The following RERG variants were observed in gnomAD, a reference collection of about 807,000 sequenced individuals.
RERG encodes ras-related and estrogen-regulated growth inhibitor.
Under a neutral mutation model 23.2 loss-of-function variants are expected in RERG, and 25 were observed. That is an observed-to-expected ratio of 1.08 (90% CI 0.79 to 1.50). The LOEUF (loss-of-function observed/expected upper bound fraction) is 1.50. RERG is among the 40% of genes most tolerant of loss of function. The pLI is 0.00. For missense variants in RERG, 253 were observed against 250.1 expected (o/e 1.01, Z -0.08); for synonymous variants, 81 against 89.1 (o/e 0.91, Z 0.51).
In RERG at chr12:15,209,630, A is replaced by T. The variant is rs1051949857; in HGVS notation, c.61+7799T>A. On this transcript the variant is annotated intron_variant, in intron 2 of 4. Transcript: ENST00000256953. ...TATTTTGGTTGATAACACACCTGGT[A>T]CTCCCAGAGGGCTTTGCCATGCATT... 3.3e-5 allele frequency among the ~76,000 whole-genome samples: 5 copies of T among 152,220 alleles called. No homozygotes were observed. In the South Asian group the frequency reaches 8.3e-4, roughly 25 times the overall value.
At chr12:15,128,696 T>A (rs1463474189) in intron 2 of RERG, among the ~76,000 whole-genome samples, 4 of 152,186 alleles carry the variant, frequency 2.6e-5, no homozygotes, top group Non-Finnish European at 5.9e-5. Context: ...CTGGAAAAAC[T>A]CTAGCAGATA....
At position 15,109,187 on chromosome 12, in the gene RERG, C is replaced by A; in HGVS notation, c.523G>T (p.Gly175Cys). 2 of 1,613,732 alleles carry A rather than the reference C, an allele frequency of 1.2e-6. No homozygotes were observed. The highest frequency in any genetic ancestry group is 1.1e-5 in the South Asian group (1 of 91,032). The change falls in exon 5 of 5, where the codon GGC becomes TGC. Residue 175 changes from glycine to cysteine, a missense_variant. Gly to Cys is a radical substitution (Grantham distance 159). Transcript: ENST00000256953. Reference sequence around the variant, plus strand: ...GTGGAGCTGCGTCGCCTCGTCTTGCCCTGCACCATCCTCCGGCGACGCACC... The same window carrying A: ...GTGGAGCTGCGTCGCCTCGTCTTGCACTGCACCATCCTCCGGCGACGCACC... ...REVRRRRMVQGKTRRRSSTTH... is the reference protein window; with the variant it reads ...REVRRRRMVQCKTRRRSSTTH...
chr12:15,173,914 T>C (rs2136123617), intron 2 of RERG, among the ~76,000 whole-genome samples: 1 of 152,154 alleles, frequency 6.6e-6, no homozygotes, highest in East Asian at 1.9e-4. Context: ...AATAGTTGTT[T>C]TACTTTTTCC....
chr12:15,133,639 G>A (rs139043277), intron 2 of RERG, among the ~76,000 whole-genome samples: 1 of 151,438 alleles, frequency 6.6e-6, no homozygotes, highest in Non-Finnish European at 1.5e-5. Context: ...TACAGCAAGA[G>A]TACCTTTAGC....
At chr12:15,167,211 G>A (rs1864707871) in intron 2 of RERG, among the ~76,000 whole-genome samples, 1 of 152,156 alleles carries the variant, frequency 6.6e-6, no homozygotes, top group African/African-American at 2.4e-5. Context: ...CACTAGACTT[G>A]GCCTGGGTTG....
intron 2 of RERG, chr12:15,151,885 A>G (rs1253105542): frequency 6.6e-6 from 1 of 152,222 alleles, no homozygotes. Flanking sequence ...TATGACTTCT[A>G]AAACTGCTGC....
intron 2 of RERG, among the ~76,000 whole-genome samples, chr12:15,194,509 T>A (rs199900855): frequency 2.7e-5 from 4 of 146,930 alleles, no homozygotes; most frequent in Non-Finnish European, 4.5e-5. Flanking sequence ...CCGATCTCCC[T>A]AAAAAAAAAA....
chr12:15,188,883 C>T lies in RERG; in HGVS notation c.61+28546G>A, dbSNP rs774640655. 1.4e-4 allele frequency among the ~76,000 whole-genome samples: 22 copies of T among 152,142 alleles called. No homozygotes were observed. The East Asian group carries it at 1.5e-3, about 11-fold the overall frequency. On this transcript the variant is annotated intron_variant, in intron 2 of 4. Coordinates refer to ENST00000256953, the MANE Select transcript of RERG (RefSeq NM_032918.3). Reference sequence around the variant, plus strand: ...GCAGTAGTTATGGGAATGCCTCAGACGCCCACGCACTCTCAGAGTATGATG... The same window carrying T: ...GCAGTAGTTATGGGAATGCCTCAGATGCCCACGCACTCTCAGAGTATGATG...
intron 2 of RERG, among the ~76,000 whole-genome samples, chr12:15,127,107 T>C (rs1284242572): frequency 6.6e-6 from 1 of 152,356 alleles, no homozygotes; most frequent in Non-Finnish European, 1.5e-5. Flanking sequence ...ATCACTCATC[T>C]GTGACATGAA....
intron 2 of RERG, among the ~76,000 whole-genome samples, chr12:15,126,145 A>G (rs1441427166): frequency 2.1e-5 from 3 of 141,372 alleles, no homozygotes; most frequent in African/African-American, 7.7e-5. Flanking sequence ...ATATATATAT[A>G]TATATATGTA....
chr12:15,143,667 C>T (rs1018430446), intron 2 of RERG, among the ~76,000 whole-genome samples: 5 of 152,156 alleles, frequency 3.3e-5, no homozygotes, highest in African/African-American at 4.8e-5. Context: ...TCTCTTCCCT[C>T]AAGCTTCATG....
At chr12:15,206,018 A>G (rs1865278286) in intron 2 of RERG, among the ~76,000 whole-genome samples, 1 of 152,058 alleles carries the variant, frequency 6.6e-6, no homozygotes, top group South Asian at 2.1e-4. Flanking sequence ...CAACTCCTAT[A>G]CAGCTACTGA....
chr12:15,113,134 G>T (rs1863654111), intron 3 of RERG, among the ~76,000 whole-genome samples: 1 of 152,138 alleles, frequency 6.6e-6, no homozygotes, highest in Non-Finnish European at 1.5e-5. Context: ...GTATATCAGG[G>T]TGAAGATGGG....
At chr12:15,182,980 T>TA (rs202062256) in intron 2 of RERG, among the ~76,000 whole-genome samples, 1,558 of 152,074 alleles carry the variant, frequency 0.01, 27 homozygotes, top group African/African-American at 0.036. Context: ...CCTGAAAGGC[T>TA]AAAAGTGAGA....
intron 2 of RERG, among the ~76,000 whole-genome samples, chr12:15,157,636 CCAACTT>C (rs1346577998): frequency 6.6e-6 from 1 of 152,164 alleles, no homozygotes; most frequent in Admixed American, 6.6e-5. Flanking sequence ...AAAGAGAACT[CCAACTT>C]CAAAGCACGC....
At chr12:15,123,091 C>T (rs918976122) in intron 2 of RERG, among the ~76,000 whole-genome samples, 1 of 152,092 alleles carries the variant, frequency 6.6e-6, no homozygotes, top group Non-Finnish European at 1.5e-5. Flanking sequence ...GCCACCGCGC[C>T]CGGCCAGACT....
intron 2 of RERG, among the ~76,000 whole-genome samples, chr12:15,145,742 A>C (rs138529922): frequency 6.6e-6 from 1 of 152,378 alleles, no homozygotes; most frequent in African/African-American, 2.4e-5. Context: ...GGAGTAAAGA[A>C]GCAACAGCAG....
rs933982714 is a variant in RERG at position 15,221,331 on chromosome 12, G to T, written c.-251C>A. ...TGCGAGTTGCTGGGCTGCGGTCGTG[G>T]GTGGGACTCGCCGCAGAAGCAAGTG... On this transcript the variant is annotated 5_prime_UTR_variant, in exon 1 of 5. Coordinates refer to ENST00000256953, the MANE Select transcript of RERG (RefSeq NM_032918.3). 6.6e-6 allele frequency: 1 copy of T among 152,250 alleles called. No homozygotes were observed. Among genetic ancestry groups the T allele is most frequent in the African/African-American group, 2.4e-5 (1 of 41,468 alleles). 9.4% of individuals were successfully genotyped at this position (152,250 alleles called of 1,614,324 possible).
chr12:15,189,160 T>C (rs1256054217), intron 2 of RERG, among the ~76,000 whole-genome samples: 1 of 152,218 alleles, frequency 6.6e-6, no homozygotes, highest in Non-Finnish European at 1.5e-5. Flanking sequence ...ATAGAAATTA[T>C]AGACTGTTAA....
Sources: allele counts gnomAD v4.1 joint callset (sites outside exome capture counted in the v4.1 genomes callset), GRCh38; gene constraint gnomAD v4.1.1; transcripts MANE v1.5; gene names NCBI Gene and HGNC (gene_info 2026-07-23, HGNC 2026-07-21).